DCC: variants seen among roughly 807,000 people sequenced by gnomAD.
The protein encoded by DCC is netrin receptor DCC.
Under a neutral mutation model 172.5 loss-of-function variants are expected in DCC, and 58 were observed. The observed-to-expected ratio is 0.34, with a 90% CI of 0.27 to 0.42. The LOEUF (loss-of-function observed/expected upper bound fraction) is 0.42. Ranked by LOEUF, DCC falls within the 10% of genes least tolerant of loss-of-function variation. The pLI, the probability that DCC is intolerant of heterozygous loss-of-function variation, is 1.00. For missense variants in DCC, 1,740 were observed against 1,791.0 expected, an observed-to-expected ratio of 0.97 and a Z score of 0.51; for synonymous variants, 709 against 644.5, an observed-to-expected ratio of 1.10 and a Z score of -1.52.
At chr18:53,323,531 A>G (rs1207061640) in intron 14 of DCC, among the ~76,000 whole-genome samples, 2 of 152,246 alleles carry the variant, frequency 1.3e-5, no homozygotes, top group East Asian at 3.8e-4. Flanking sequence ...CTTGGAGAAT[A>G]GCAAAGAAAG....
chr18:53,495,358 C>T (rs1194023382), intron 26 of DCC, among the ~76,000 whole-genome samples: 1 of 146,170 alleles, frequency 6.8e-6, no homozygotes, highest in African/African-American at 2.6e-5. Flanking sequence ...ACACTGCATT[C>T]CAGCCTGGGT....
intron 4 of DCC, 46 bp from the exon 5 acceptor site, chr18:52,925,188 T>C (rs140454132): frequency 2.5e-6 from 4 of 1,580,176 alleles, no homozygotes; most frequent in Non-Finnish European, 3.5e-6. Flanking sequence ...TCTTGCTTAA[T>C]ATATACATAT....
At chr18:53,272,104 G>C (rs2056755860) in intron 12 of DCC, among the ~76,000 whole-genome samples, 1 of 151,986 alleles carries the variant, frequency 6.6e-6, no homozygotes, top group East Asian at 1.9e-4. Flanking sequence ...TAGTATTTTG[G>C]CAGAACTGAG....
chr18:52,356,448 T>C (rs1422303779), intron 1 of DCC, among the ~76,000 whole-genome samples: 1 of 152,226 alleles, frequency 6.6e-6, no homozygotes, highest in Non-Finnish European at 1.5e-5. Flanking sequence ...AGATCTTCTG[T>C]ACATTTTGCG....
intron 12 of DCC, among the ~76,000 whole-genome samples, chr18:53,277,224 CT>C (rs2056816172): frequency 6.6e-6 from 1 of 152,144 alleles, no homozygotes; most frequent in East Asian, 1.9e-4. Flanking sequence ...AATCTCAGCA[CT>C]TTGGGAGGCC....
At chr18:53,170,457 T>C (rs1008286647) in intron 8 of DCC, among the ~76,000 whole-genome samples, 1 of 152,244 alleles carries the variant, frequency 6.6e-6, no homozygotes, top group Non-Finnish European at 1.5e-5. Context: ...CAAGCCCCAA[T>C]GTCAGGGAAA....
At chr18:53,224,315 G>A (rs1448762173) in intron 12 of DCC, among the ~76,000 whole-genome samples, 1 of 152,152 alleles carries the variant, frequency 6.6e-6, no homozygotes, top group East Asian at 1.9e-4. Flanking sequence ...GGCAAAAGCA[G>A]TAAGGAGGGA....
chr18:53,331,741 C>A lies in DCC; in HGVS notation c.2165-7972C>A, dbSNP rs538900755. ...AAATCAAGAACTTGATAGACAGAGA[C>A]CACGCTTGTCTAATTTTTGGGCCAA... On this transcript the variant is annotated intron_variant, in intron 14 of 28. Transcript: ENST00000442544. Among the ~76,000 whole-genome samples the A allele has an allele frequency of 5.3e-5, 8 of 152,214 alleles. No homozygotes were observed. The South Asian group carries it at 1.4e-3, about 28-fold the overall frequency.
chr18:52,810,199 G>A (rs908908111), intron 2 of DCC, among the ~76,000 whole-genome samples: 1 of 152,122 alleles, frequency 6.6e-6, no homozygotes, highest in African/African-American at 2.4e-5. Context: ...CATCACCAAT[G>A]ACCCACTTCT....
At chr18:52,926,222 T>C (rs2040200063) in intron 5 of DCC, among the ~76,000 whole-genome samples, 1 of 151,942 alleles carries the variant, frequency 6.6e-6, no homozygotes, top group Admixed American at 6.6e-5. Flanking sequence ...AAATATATCA[T>C]ATGCTGATTA....
At chr18:53,122,673 T>C (rs1384964173) in intron 7 of DCC, among the ~76,000 whole-genome samples, 1 of 152,086 alleles carries the variant, frequency 6.6e-6, no homozygotes, top group Non-Finnish European at 1.5e-5. Flanking sequence ...ATTCAGACTT[T>C]AATTAAATTG....
rs564871438 is a variant in DCC at position 53,345,803 on chromosome 18, T to C, written c.2359+5896T>C. ...TCCAGTTCTTTCAAGTTGTTGTCTC[T>C]CTGTATTCTTGACTCTATGGTTTTT... On this transcript the variant is annotated intron_variant, in intron 15 of 28. Transcript: ENST00000442544. 1.1e-4 allele frequency among the ~76,000 whole-genome samples: 17 copies of C among 152,124 alleles called. No homozygotes were observed. The South Asian group carries it at 3.3e-3, about 30-fold the overall frequency.
intron 13 of DCC, among the ~76,000 whole-genome samples, chr18:53,311,853 C>A (rs543776429): frequency 2.0e-4 from 31 of 152,184 alleles, no homozygotes; most frequent in Admixed American, 9.8e-4. Flanking sequence ...AAATTCAAAC[C>A]TAATACTGCC....
chr18:53,052,182 A>C (rs1018178103), intron 5 of DCC, among the ~76,000 whole-genome samples: 3 of 151,866 alleles, frequency 2.0e-5, no homozygotes, highest in Non-Finnish European at 2.9e-5. Flanking sequence ...TCCTTGATTC[A>C]TTTCCTTAGG....
At chr18:53,502,351 T>C (rs373687247) in intron 27 of DCC, among the ~76,000 whole-genome samples, 1 of 152,248 alleles carries the variant, frequency 6.6e-6, no homozygotes, top group African/African-American at 2.4e-5. Flanking sequence ...CATTTCATAA[T>C]GTCTTACCTC....
At chr18:52,598,773 A>G (rs971119035) in intron 1 of DCC, among the ~76,000 whole-genome samples, 4 of 152,088 alleles carry the variant, frequency 2.6e-5, no homozygotes, top group South Asian at 2.1e-4. Flanking sequence ...ACAGAAATTT[A>G]TTTTTTTCAT....
chr18:53,169,946 A>G (rs1289147781), intron 8 of DCC, among the ~76,000 whole-genome samples: 1 of 152,182 alleles, frequency 6.6e-6, no homozygotes, highest in African/African-American at 2.4e-5. Context: ...GAAATCCCAC[A>G]TAATAAACTG....
chr18:53,388,045 G>C (rs1908289005), intron 16 of DCC, among the ~76,000 whole-genome samples: 1 of 152,114 alleles, frequency 6.6e-6, no homozygotes, highest in Non-Finnish European at 1.5e-5. Flanking sequence ...CATTCCCAAG[G>C]TGGTTTCAAA....
intron 5 of DCC, among the ~76,000 whole-genome samples, chr18:53,048,946 A>C (rs1009905991): frequency 1.3e-5 from 2 of 151,798 alleles, no homozygotes; most frequent in Non-Finnish European, 2.9e-5. Context: ...GATATTGAGC[A>C]TTTTTTCATA....
Sources: gnomAD v4.1 joint callset for allele counts (sites outside exome capture counted in the v4.1 genomes callset) on GRCh38, gnomAD v4.1.1 for gene constraint, MANE v1.5 for transcripts, NCBI Gene and HGNC (gene_info 2026-07-23, HGNC 2026-07-21) for gene names.